Variants in VPS50 observed in about 807,000 individuals in gnomAD.
The protein encoded by VPS50 is syndetin.
A neutral mutation model predicts 139.7 loss-of-function variants in VPS50; 70 were observed. The ratio of observed to expected loss-of-function variants is 0.50; its 90% confidence interval spans 0.41 to 0.61. The LOEUF is 0.61. VPS50 is among the 20% of genes least tolerant of loss of function. The pLI is 0.00. For synonymous variants in VPS50, 365 were observed against 376.7 expected (o/e 0.97, Z 0.36); for missense variants, 921 against 1,133.7 (o/e 0.81, Z 2.69).
At chr7:93,323,100 G>A (rs1797665984) in intron 20 of VPS50, 1 of 152,032 alleles carries the variant, frequency 6.6e-6, no homozygotes, top group African/African-American at 2.4e-5. Context: ...GCAATGGGCA[G>A]TATCTTGCAT....
chr7:93,277,337 A>T (rs1199439010), intron 12 of VPS50, among the ~76,000 whole-genome samples: 5 of 152,304 alleles, frequency 3.3e-5, no homozygotes, highest in African/African-American at 4.8e-5. Flanking sequence ...GTTTACCATG[A>T]TTTCTTCCTT....
intron 12 of VPS50, among the ~76,000 whole-genome samples, chr7:93,280,467 T>C (rs987083767): frequency 4.6e-5 from 7 of 152,192 alleles, no homozygotes; most frequent in African/African-American, 1.7e-4. Context: ...GTAGTACTTT[T>C]ATTTACTTAA....
chr7:93,263,339 C>G (rs1444676468), intron 9 of VPS50, among the ~76,000 whole-genome samples: 1 of 152,152 alleles, frequency 6.6e-6, no homozygotes, highest in East Asian at 1.9e-4. Context: ...TATATCTATT[C>G]TAATTCTTGT....
At chr7:93,290,702 G>A (rs1179884227) in intron 12 of VPS50, among the ~76,000 whole-genome samples, 1 of 151,950 alleles carries the variant, frequency 6.6e-6, no homozygotes, top group Admixed American at 6.6e-5. Context: ...TCAAAGATTT[G>A]ATATACTTAC....
chr7:93,289,516 A>G (rs957702517), intron 12 of VPS50, among the ~76,000 whole-genome samples: 1 of 151,976 alleles, frequency 6.6e-6, no homozygotes, highest in Non-Finnish European at 1.5e-5. Flanking sequence ...AATTGTACTT[A>G]TATTTTTATA....
At chr7:93,340,460 G>T (rs1429711364) in intron 22 of VPS50, 3 of 152,092 alleles carry the variant, frequency 2.0e-5, no homozygotes, top group African/African-American at 7.2e-5. Context: ...AGTGTGCCTG[G>T]GAGTTGAAAT....
At chr7:93,337,968 T>C (rs995975252) in intron 22 of VPS50, among the ~76,000 whole-genome samples, 1 of 152,194 alleles carries the variant, frequency 6.6e-6, no homozygotes, top group African/African-American at 2.4e-5. Context: ...TTTATATTTC[T>C]ACCTCTTTTG....
chr7:93,325,384 G>A (rs2117025997), intron 21 of VPS50, among the ~76,000 whole-genome samples: 1 of 152,054 alleles, frequency 6.6e-6, no homozygotes, highest in Admixed American at 6.5e-5. Context: ...CAGGACATAG[G>A]CATGGGCAAG....
At chr7:93,327,818 A>T (rs1383096694) in intron 21 of VPS50, among the ~76,000 whole-genome samples, 1 of 152,186 alleles carries the variant, frequency 6.6e-6, no homozygotes, top group African/African-American at 2.4e-5. Flanking sequence ...AATGTTTGTT[A>T]GTGGTACCGG....
chr7:93,270,120 A>AT lies in VPS50; in HGVS notation c.660-1088dup, dbSNP rs200266847. ...AATTCAAATAATGTTAGTTCTATTGATTTTTTTTTTTTACTGACCTCGTAA... is the reference window on the plus strand; with the variant it reads ...AATTCAAATAATGTTAGTTCTATTGATTTTTTTTTTTTTACTGACCTCGTAA... On this transcript the variant is annotated intron_variant, in intron 9 of 27. Transcript: ENST00000305866. Among the ~76,000 whole-genome samples, 239 of 145,890 alleles carry AT rather than the reference A, an allele frequency of 1.6e-3. 1 individual carries two copies. The highest frequency in any genetic ancestry group is 2.6e-3 in the East Asian group (13 of 5,066).
chr7:93,301,667 T>C (rs1347470445), intron 16 of VPS50, among the ~76,000 whole-genome samples: 2 of 152,310 alleles, frequency 1.3e-5, no homozygotes, highest in Non-Finnish European at 2.9e-5. Flanking sequence ...TTCAACCCAC[T>C]GATACTGATT....
chr7:93,291,323 A>G (rs983814508), intron 12 of VPS50, among the ~76,000 whole-genome samples: 1 of 152,104 alleles, frequency 6.6e-6, no homozygotes, highest in African/African-American at 2.4e-5. Context: ...TCTTTTTGCA[A>G]GAAGGCCTGA....
At chr7:93,293,233 G>A (rs550157600) in intron 13 of VPS50, among the ~76,000 whole-genome samples, 11 of 152,146 alleles carry the variant, frequency 7.2e-5, no homozygotes, top group Non-Finnish European at 1.3e-4. Context: ...GAAATACCTG[G>A]AGACTGTTAA....
chr7:93,330,511 T>G (rs1797904818), intron 21 of VPS50, among the ~76,000 whole-genome samples: 1 of 152,108 alleles, frequency 6.6e-6, no homozygotes, highest in African/African-American at 2.4e-5. Flanking sequence ...CCCAGCACTT[T>G]GGGAGGCTGA....
At chr7:93,264,593 A>T (rs1377161769) in intron 9 of VPS50, among the ~76,000 whole-genome samples, 2 of 152,224 alleles carry the variant, frequency 1.3e-5, no homozygotes, top group East Asian at 1.9e-4. Context: ...TAAATGTCTC[A>T]TAATCTTTCA....
chr7:93,277,941 C>A (rs1312090062), intron 12 of VPS50, among the ~76,000 whole-genome samples: 1 of 151,924 alleles, frequency 6.6e-6, no homozygotes, highest in Non-Finnish European at 1.5e-5. Flanking sequence ...ATGTTGCTAT[C>A]ACTAATAGAT....
chr7:93,356,150 A>G, intron 27 of VPS50, 70 bp downstream of exon 27: 1 of 737,252 alleles, frequency 1.4e-6, no homozygotes, highest in Non-Finnish European at 2.1e-6. Flanking sequence ...TGGGTGTGTT[A>G]TTTAATTCAA....
chr7:93,326,726 AG>A (rs1283238810), intron 21 of VPS50, among the ~76,000 whole-genome samples: 2 of 152,032 alleles, frequency 1.3e-5, no homozygotes, highest in African/African-American at 4.8e-5. Context: ...GATGTTTGAC[AG>A]TTTTCTGTGT....
chr7:93,277,029 G>A (rs1796176741), intron 12 of VPS50, among the ~76,000 whole-genome samples: 1 of 152,154 alleles, frequency 6.6e-6, no homozygotes, highest in Non-Finnish European at 1.5e-5. Context: ...GGAGTCATCA[G>A]CATCTACTTG....
Sources: gnomAD v4.1 joint callset for allele counts (sites outside exome capture counted in the v4.1 genomes callset) on GRCh38, gnomAD v4.1.1 for gene constraint, MANE v1.5 for transcripts, NCBI Gene and HGNC (gene_info 2026-07-23, HGNC 2026-07-21) for gene names.